Variants in PHACTR1 observed in about 807,000 individuals in gnomAD.
PHACTR1 encodes the protein phosphatase and actin regulator 1.
A neutral mutation model predicts 69.2 loss-of-function variants in PHACTR1; 16 were observed. The observed-to-expected ratio is 0.23, with a 90% CI of 0.16 to 0.35. The LOEUF (loss-of-function observed/expected upper bound fraction) is 0.35. PHACTR1 is among the 10% of genes least tolerant of loss of function. The pLI, the probability that PHACTR1 is intolerant of heterozygous loss-of-function variation, is 1.00. For missense variants in PHACTR1, 510 were observed against 734.7 expected, an observed-to-expected ratio of 0.69 and a Z score of 3.54; for synonymous variants, 312 against 284.5, an observed-to-expected ratio of 1.10 and a Z score of -0.97.
At position 13,137,669 on chromosome 6, in the gene PHACTR1, T is replaced by C. The variant is rs1583533122; in HGVS notation, c.416-22535T>C. On this transcript the variant is annotated intron_variant, in intron 5 of 14. Coordinates refer to ENST00000332995, the MANE Select transcript of PHACTR1 (RefSeq NM_030948.6). ...GTGTTCATGCTGCACAGGTGACCCATGCATTTGTGCGCTGGGAATGGAAAT... is the reference window on the plus strand; with the variant it reads ...GTGTTCATGCTGCACAGGTGACCCACGCATTTGTGCGCTGGGAATGGAAAT... Among the ~76,000 whole-genome samples the C allele has an allele frequency of 2.6e-5, 4 of 152,378 alleles. 1 individual carries two copies. The highest frequency in any genetic ancestry group is 2.6e-4 in the Admixed American group (4 of 15,310).
intron 4 of PHACTR1, among the ~76,000 whole-genome samples, chr6:12,772,203 A>G (rs929485141): frequency 6.6e-6 from 1 of 152,124 alleles, no homozygotes; most frequent in Non-Finnish European, 1.5e-5. Flanking sequence ...TGATTTCCCC[A>G]CTTAGGTTAC....
chr6:13,020,997 C>G, intron 4 of PHACTR1, among the ~76,000 whole-genome samples: 1 of 152,052 alleles, frequency 6.6e-6, no homozygotes. Context: ...TTTTAAAAAG[C>G]ATTTTTATTG....
At chr6:13,149,480 GCAAACCATAGTAAATAAAGTCT>G (rs1823969961) in intron 5 of PHACTR1, among the ~76,000 whole-genome samples, 1 of 152,144 alleles carries the variant, frequency 6.6e-6, no homozygotes, top group Non-Finnish European at 1.5e-5. Flanking sequence ...GGATATAATT[GCAAACCATAGTAAATAAAGTCT>G]CATCTCGTAC....
chr6:13,102,346 C>T (rs1815307321), intron 5 of PHACTR1, among the ~76,000 whole-genome samples: 1 of 152,074 alleles, frequency 6.6e-6, no homozygotes, highest in African/African-American at 2.4e-5. Flanking sequence ...AAGGGAGTTT[C>T]TGGGTTTTTG....
At chr6:13,067,221 C>A (rs188956565) in intron 5 of PHACTR1, among the ~76,000 whole-genome samples, 154 of 152,228 alleles carry the variant, frequency 1.0e-3, no homozygotes, top group African/African-American at 3.5e-3. Context: ...GCATCAGACC[C>A]ATATAGTATT....
intron 4 of PHACTR1, among the ~76,000 whole-genome samples, chr6:13,030,347 T>C (rs561192826): frequency 1.3e-5 from 2 of 152,350 alleles, no homozygotes; most frequent in South Asian, 4.1e-4. Context: ...ACACAGAGTT[T>C]CCTGTCACTT....
At chr6:12,946,334 G>A (rs1356276373) in intron 4 of PHACTR1, among the ~76,000 whole-genome samples, 3 of 152,108 alleles carry the variant, frequency 2.0e-5, no homozygotes, top group Non-Finnish European at 4.4e-5. Flanking sequence ...GCTGTCAAGG[G>A]AGTGATATTA....
chr6:13,142,245 G>A (rs923112655), intron 5 of PHACTR1, among the ~76,000 whole-genome samples: 4 of 152,166 alleles, frequency 2.6e-5, no homozygotes, highest in Non-Finnish European at 5.9e-5. Flanking sequence ...TGGGACTACA[G>A]GCATGCGCCA....
At chr6:12,994,139 T>G (rs1582873807) in intron 4 of PHACTR1, among the ~76,000 whole-genome samples, 1 of 152,020 alleles carries the variant, frequency 6.6e-6, no homozygotes, top group East Asian at 1.9e-4. Context: ...AATTAAACAC[T>G]AATTAAATAG....
At chr6:12,955,020 A>T (rs1436601722) in intron 4 of PHACTR1, among the ~76,000 whole-genome samples, 2 of 152,212 alleles carry the variant, frequency 1.3e-5, no homozygotes, top group African/African-American at 4.8e-5. Flanking sequence ...GATATTCAGT[A>T]TGAAAAGAAT....
chr6:12,957,678 C>T lies in PHACTR1; in HGVS notation c.251-95687C>T, dbSNP rs1468941868. 1.3e-5 allele frequency: 13 copies of T among 985,426 alleles called. No individual in the cohort carries two copies. The East Asian group carries it at 3.4e-4, about 26-fold the overall frequency. 61.0% of individuals were successfully genotyped at this position (985,426 alleles called of 1,614,324 possible). On this transcript the variant is annotated intron_variant, in intron 4 of 14. Coordinates refer to ENST00000332995, the MANE Select transcript of PHACTR1 (RefSeq NM_030948.6). ...CTCTGAGTGAGGCTGGAGAGACCAT[C>T]GTGGAGGCGGTTTTAGGTTAGAAAA...
chr6:13,240,429 G>A (rs550713819), intron 10 of PHACTR1, among the ~76,000 whole-genome samples: 11 of 144,898 alleles, frequency 7.6e-5, no homozygotes, highest in Non-Finnish European at 1.0e-4. Flanking sequence ...GTTTTTTTTT[G>A]TTGTTGTTTT....
At chr6:12,998,343 C>T (rs1012536473) in intron 4 of PHACTR1, among the ~76,000 whole-genome samples, 3 of 152,016 alleles carry the variant, frequency 2.0e-5, no homozygotes, top group African/African-American at 4.8e-5. Context: ...ATAGGCTAGG[C>T]ACAGTGGCTC....
Position 12,954,031 on chromosome 6 carries a change from C to T in PHACTR1, c.251-99334C>T, listed in dbSNP as rs908861378. Among the ~76,000 whole-genome samples the T allele has an allele frequency of 5.9e-5, 9 of 152,082 alleles. 1 individual carries two copies. The highest frequency in any genetic ancestry group is 5.9e-4 in the Admixed American group (9 of 15,266). ...TAGGTGAGGAAACTGTTAATTTTGA[C>T]TACAAGATTAGGAAAAACTACAGGA... On this transcript the variant is annotated intron_variant, in intron 4 of 14. Transcript: ENST00000332995.
chr6:12,906,952 G>T (rs1315469368), intron 4 of PHACTR1, among the ~76,000 whole-genome samples: 1 of 152,166 alleles, frequency 6.6e-6, no homozygotes, highest in African/African-American at 2.4e-5. Context: ...GCACAGAGTA[G>T]TTCCCTGAGA....
chr6:12,779,110 C>T (rs1338056958), intron 4 of PHACTR1, among the ~76,000 whole-genome samples: 5 of 152,122 alleles, frequency 3.3e-5, no homozygotes, highest in African/African-American at 9.7e-5. Context: ...CCGAGGCTGG[C>T]GGGTCACCTG....
At chr6:12,956,598 T>G (rs756609164) in intron 4 of PHACTR1, among the ~76,000 whole-genome samples, 2 of 152,134 alleles carry the variant, frequency 1.3e-5, no homozygotes, top group Non-Finnish European at 2.9e-5. Context: ...AGCAAGATGT[T>G]GTCCCTTGGG....
chr6:12,840,179 G>A (rs974897800), intron 4 of PHACTR1, among the ~76,000 whole-genome samples: 2 of 152,154 alleles, frequency 1.3e-5, no homozygotes, highest in African/African-American at 4.8e-5. Context: ...TGTAGGGACT[G>A]ACTGATCAAG....
At position 13,243,591 on chromosome 6, in the gene PHACTR1, G is replaced by GA. The variant is rs59717716; in HGVS notation, c.1391+13408dup. Among the ~76,000 whole-genome samples the GA allele has an allele frequency of 4.6e-4, 68 of 147,250 alleles. 1 individual carries two copies. The South Asian group carries it at 6.9e-3, about 15-fold the overall frequency. On this transcript the variant is annotated intron_variant, in intron 10 of 14. Transcript: ENST00000332995. Reference sequence around the variant, plus strand: ...ACTCTTTAATGAGTTTCTTTTAAAAGAAAAAAAAAACCTTAGGTTCAAGGG... The same window carrying GA: ...ACTCTTTAATGAGTTTCTTTTAAAAGAAAAAAAAAAACCTTAGGTTCAAGGG...
Sources: allele counts gnomAD v4.1 joint callset (sites outside exome capture counted in the v4.1 genomes callset), GRCh38; gene constraint gnomAD v4.1.1; transcripts MANE v1.5; gene names NCBI Gene and HGNC (gene_info 2026-07-23, HGNC 2026-07-21).